Variants in ZNF225 observed in about 807,000 individuals in gnomAD.
ZNF225 encodes the protein zinc finger protein 225.
A neutral mutation model predicts 12.0 loss-of-function variants in ZNF225; 6 were observed. The observed-to-expected ratio is 0.50, with a 90% CI of 0.27 to 0.98. The LOEUF is 0.98. ZNF225 is among the 50% of genes least tolerant of loss of function. The pLI is 0.11. For missense variants in ZNF225, 763 were observed against 848.2 expected, an observed-to-expected ratio of 0.90 and a Z score of 1.25; for synonymous variants, 271 against 283.2, an observed-to-expected ratio of 0.96 and a Z score of 0.43.
At position 44,131,769 on chromosome 19, in the gene ZNF225, A is replaced by G. The variant is rs1403715268; in HGVS notation, c.1155A>G (p.Ser385=). Residue 385 remains serine, a synonymous_variant, in exon 5 of 5, where the codon TCA becomes TCG. Coordinates refer to ENST00000262894, the MANE Select transcript of ZNF225 (RefSeq NM_013362.4). ...KECGKSFRWA[S]GLSRHVRVHS... ...GTGGAAAGAGCTTCAGATGGGCCTC[A>G]GGTCTTTCAAGACATGTGCGAGTCC... 6 of 1,614,124 alleles carry G rather than the reference A, an allele frequency of 3.7e-6. No individual in the cohort carries two copies. Among genetic ancestry groups the G allele is most frequent in the South Asian group, 2.2e-5 (2 of 91,090 alleles).
chr19:44,117,173 C>T (rs1213736920), intron 2 of ZNF225, among the ~76,000 whole-genome samples: 4 of 152,258 alleles, frequency 2.6e-5, no homozygotes, highest in Non-Finnish European at 5.9e-5. Flanking sequence ...TCAACTTTCC[C>T]AATGCTGCAT....
intron 4 of ZNF225, among the ~76,000 whole-genome samples, chr19:44,125,165 T>C (rs145968126): frequency 0.038 from 5,791 of 152,302 alleles, 122 homozygotes; most frequent in South Asian, 0.07. Context: ...AGGTTCTGTT[T>C]TGATGTGTTT....
At position 44,131,604 on chromosome 19, in the gene ZNF225, A is replaced by G. The variant is rs943260250; in HGVS notation, c.990A>G (p.Ala330=). 1 of 1,614,192 alleles carries G rather than the reference A, an allele frequency of 6.2e-7. No homozygotes were observed. The highest frequency in any genetic ancestry group is 8.5e-7 in the Non-Finnish European group (1 of 1,180,032). ...GTAAGAGCTTTGGTCTGAAATCAGCACTTAATAGTCATCGCATGGTCCACA... is the reference window on the plus strand; with the variant it reads ...GTAAGAGCTTTGGTCTGAAATCAGCGCTTAATAGTCATCGCATGGTCCACA... ...TCGKSFGLKS[A]LNSHRMVHTG... is the part of the protein sequence containing the mutation. Residue 330 remains alanine (A), a synonymous_variant, in exon 5 of 5, where the codon GCA becomes GCG. Coordinates refer to ENST00000262894, the MANE Select transcript of ZNF225 (RefSeq NM_013362.4).
At chr19:44,117,015 A>G (rs1599672732) in intron 2 of ZNF225, among the ~76,000 whole-genome samples, 1 of 152,202 alleles carries the variant, frequency 6.6e-6, no homozygotes. Flanking sequence ...ATAAAATTAA[A>G]GATTATTTAG....
rs1284660553 is a variant in ZNF225 at position 44,118,717 on chromosome 19, G to A, written c.235+143G>A. 6 of 816,922 alleles carry A rather than the reference G, an allele frequency of 7.3e-6. No homozygotes were observed. The African/African-American group carries it at 8.8e-5, about 12-fold the overall frequency. The allele number at this position is 816,922 out of a possible 1,614,324, so 50.6% of individuals were successfully genotyped here. On this transcript the variant is annotated intron_variant, in intron 4 of 4. Coordinates refer to ENST00000262894, the MANE Select transcript of ZNF225 (RefSeq NM_013362.4). ...CAGCTGACTTTCGGCTGGTTTCCCT[G>A]CTCCCACTTTTCCCACCCTGACATC...
Position 44,118,284 on chromosome 19 carries a change from C to G in ZNF225, c.112C>G (p.Leu38Val). 1 of 1,613,214 alleles carries G rather than the reference C, an allele frequency of 6.2e-7. No individual in the cohort carries two copies. The highest frequency in any genetic ancestry group is 1.3e-5 in the African/African-American group (1 of 74,936). The stretch of plus-strand genomic sequence containing the variant: ...GAGGAAACTGTACCGAGAAGTGATG[C>G]TGGAGAACTTCAGGAACCTGCTCTC... ...AQRKLYREVM[L>V]ENFRNLLSVG... Residue 38 changes from leucine to valine, a missense_variant, in exon 3 of 5, where the codon CTG becomes GTG. By Grantham distance (32) the Leu-to-Val change is conservative. Transcript: ENST00000262894.
intron 4 of ZNF225, among the ~76,000 whole-genome samples, chr19:44,122,008 C>T (rs142765736): frequency 0.013 from 1,964 of 152,200 alleles, 30 homozygotes; most frequent in African/African-American, 0.044. Flanking sequence ...AATTAGGTCC[C>T]AATTATTTAT....
chr19:44,124,023 CT>C (rs1270287745), intron 4 of ZNF225, among the ~76,000 whole-genome samples: 1 of 151,868 alleles, frequency 6.6e-6, no homozygotes, highest in Non-Finnish European at 1.5e-5. Flanking sequence ...TATTTCTGCT[CT>C]GATCTTGGTT....
At chr19:44,114,148 C>T in intron 1 of ZNF225, 1 of 916,660 alleles carries the variant, frequency 1.1e-6, no homozygotes, top group East Asian at 2.6e-5. Context: ...CTTCTCCTTA[C>T]CCAGCCCGAC....
In ZNF225 at chr19:44,131,040, C is replaced by A. The variant is rs561433452; in HGVS notation, c.426C>A (p.His142Gln). The A allele has an allele frequency of 6.2e-7, 1 of 1,614,030 alleles. No individual in the cohort carries two copies. Among genetic ancestry groups the A allele is most frequent in the Admixed American group, 1.7e-5 (1 of 60,026 alleles). The change falls in exon 5 of 5, where the codon CAC (histidine) becomes CAA (glutamine). Residue 142 changes from histidine to glutamine, a missense_variant. His to Gln is a conservative substitution (Grantham distance 24). Transcript: ENST00000262894. ...TTGATGCAGGACTATCTATAATTCA[C>A]GTAAGACAGAAACCTTCTGAGGGTA... ...CQVDAGLSIIHVRQKPSEGRT... is the reference protein window; with the variant it reads ...CQVDAGLSIIQVRQKPSEGRT...
chr19:44,119,082 C>G (rs1218052217), intron 4 of ZNF225, among the ~76,000 whole-genome samples: 1 of 152,210 alleles, frequency 6.6e-6, no homozygotes, highest in East Asian at 1.9e-4. Flanking sequence ...TCCCAAAGTG[C>G]TGGGATTACA....
rs1406031482 is a variant in ZNF225 at position 44,115,731 on chromosome 19, C to CT, written c.-68-24dup. 3.9e-6 allele frequency: 5 copies of CT among 1,279,142 alleles called. No individual in the cohort carries two copies. The African/African-American group carries it at 4.5e-5, about 12-fold the overall frequency. 79.2% of individuals were successfully genotyped at this position (1,279,142 alleles called of 1,614,324 possible). A position where few individuals can be genotyped will look rare whatever the true frequency, so the allele number is the denominator to read the frequency against. On this transcript the variant is annotated intron_variant, in intron 1 of 4. Transcript: ENST00000262894. ...CATCCCTGGCCACACTTTCATGTCT[C>CT]TTTTTCTGCCTTCCCTGGTACTTTC...
intron 4 of ZNF225, chr19:44,128,953 T>C (rs1956671296): frequency 2.7e-6 from 2 of 743,998 alleles, no homozygotes; most frequent in Non-Finnish European, 3.7e-6. Context: ...AATCAGGGCA[T>C]GACCCCTTAG....
intron 4 of ZNF225, chr19:44,129,731 C>T (rs1333414836): frequency 2.0e-5 from 3 of 152,144 alleles, no homozygotes; most frequent in Non-Finnish European, 4.4e-5. Flanking sequence ...AATCCTAAAT[C>T]GTAGAATTAC....
chr19:44,124,116 T>G (rs1968102636), intron 4 of ZNF225, among the ~76,000 whole-genome samples: 1 of 152,188 alleles, frequency 6.6e-6, no homozygotes. Context: ...AATGTAAGTT[T>G]GTGCTCTTTC....
chr19:44,115,676 T>G, intron 1 of ZNF225, 84 bp from the exon 2 acceptor site: 2 of 643,402 alleles, frequency 3.1e-6, no homozygotes, highest in Non-Finnish European at 5.1e-6. Context: ...CATGTGTTAA[T>G]TTACAATACA....
intron 4 of ZNF225, among the ~76,000 whole-genome samples, chr19:44,122,511 A>AT (rs916205665): frequency 4.0e-5 from 6 of 151,416 alleles, no homozygotes; most frequent in East Asian, 3.9e-4. Context: ...GAATTTTAGC[A>AT]TTTTTTTTCT....
chr19:44,118,584 A>G lies in ZNF225; in HGVS notation c.235+10A>G. 6.2e-7 allele frequency: 1 copy of G among 1,609,564 alleles called. No individual in the cohort carries two copies. Among genetic ancestry groups the G allele is most frequent in the Non-Finnish European group, 8.5e-7 (1 of 1,176,822 alleles). ...AGAGAAGGGAATTTAGGTAAGAAGCAAGCAACTCTGTGTCCTTGTGCGTGA... is the reference window on the plus strand; with the variant it reads ...AGAGAAGGGAATTTAGGTAAGAAGCGAGCAACTCTGTGTCCTTGTGCGTGA... On this transcript the variant is annotated intron_variant, in intron 4 of 4. Coordinates refer to ENST00000262894, the MANE Select transcript of ZNF225 (RefSeq NM_013362.4).
chr19:44,122,399 G>A (rs755225329), intron 4 of ZNF225, among the ~76,000 whole-genome samples: 2 of 152,124 alleles, frequency 1.3e-5, no homozygotes, highest in Non-Finnish European at 2.9e-5. Flanking sequence ...GGTGACTATG[G>A]TCTTATAGTA....
Sources: allele counts gnomAD v4.1 joint callset (sites outside exome capture counted in the v4.1 genomes callset), GRCh38; gene constraint gnomAD v4.1.1; transcripts MANE v1.5; gene names NCBI Gene and HGNC (gene_info 2026-07-23, HGNC 2026-07-21).